Variants in SLC26A5 observed in about 807,000 individuals in gnomAD.
The protein encoded by SLC26A5 is solute carrier family 26 member 5.
Under a neutral mutation model 81.0 loss-of-function variants are expected in SLC26A5, and 51 were observed. The observed-to-expected ratio is 0.63, with a 90% confidence interval of 0.50 to 0.80. SLC26A5 has a LOEUF of 0.80. Among genes scored for constraint, SLC26A5 ranks in the 30% least tolerant of loss-of-function variants. The pLI is 0.00. For synonymous variants in SLC26A5, 325 were observed against 332.8 expected, an observed-to-expected ratio of 0.98 and a Z score of 0.25; for missense variants, 771 against 905.8, an observed-to-expected ratio of 0.85 and a Z score of 1.91.
downstream of SLC26A5, among the ~76,000 whole-genome samples, chr7:103,370,089 T>C (rs1165375190): frequency 6.6e-6 from 1 of 152,190 alleles, no homozygotes; most frequent in Non-Finnish European, 1.5e-5. Flanking sequence ...TGCATTTTGG[T>C]TAGCTGTATG....
intron 2 of SLC26A5, among the ~76,000 whole-genome samples, chr7:103,435,696 T>C (rs1484065420): frequency 2.0e-5 from 3 of 152,178 alleles, no homozygotes; most frequent in Non-Finnish European, 4.4e-5. Context: ...TCATGCATGC[T>C]CCCCATTGCT....
At chr7:103,373,360 T>C (rs1427585297), downstream of SLC26A5, among the ~76,000 whole-genome samples, 3 of 152,224 alleles carry the variant, frequency 2.0e-5, no homozygotes, top group Non-Finnish European at 4.4e-5. Flanking sequence ...TTATCTATGA[T>C]ATAATCTAGC....
In SLC26A5 at chr7:103,360,881, G is replaced by C. The variant is rs186168961; in HGVS notation, c.2042-7955C>G. On this transcript the variant is annotated intron_variant, in intron 19 of 19. Transcript: ENST00000339444. ...AATCCCAGCACTTTGGGAGGCCGAA[G>C]CAGGTGGATCACTTGAGGTCGGGAG... 1.9e-3 allele frequency among the ~76,000 whole-genome samples: 290 copies of C among 152,250 alleles called. 3 individuals carry two copies. The highest frequency in any genetic ancestry group is 6.8e-3 in the African/African-American group (281 of 41,546).
At chr7:103,363,360 A>G in intron 19 of SLC26A5, 1 of 1,613,724 alleles carries the variant, frequency 6.2e-7, no homozygotes, top group Non-Finnish European at 8.5e-7. Context: ...GAGAAACCTG[A>G]TGTCACATAC....
intron 19 of SLC26A5, among the ~76,000 whole-genome samples, chr7:103,361,789 C>T (rs944863250): frequency 6.6e-6 from 1 of 152,126 alleles, no homozygotes; most frequent in African/African-American, 2.4e-5. Context: ...TGGCTAAAGT[C>T]GAATGGACCT....
chr7:103,356,681 A>C (rs574885189), intron 19 of SLC26A5, among the ~76,000 whole-genome samples: 64 of 152,280 alleles, frequency 4.2e-4, no homozygotes, highest in Non-Finnish European at 8.4e-4. Context: ...TATATTGTAC[A>C]TATTGTCTTT....
At chr7:103,359,172 A>ATTTTTTTTTTTTTTTTTTTTTTT (rs1586155184) in intron 19 of SLC26A5, among the ~76,000 whole-genome samples, 5 of 58,386 alleles carry the variant, frequency 8.6e-5, no homozygotes, top group Non-Finnish European at 1.3e-4. Context: ...TTTTTTTTTA[A>ATTTTTTTTTTTTTTTTTTTTTTT]TTTTTAGTAG....
In SLC26A5 at chr7:103,367,417, TC is replaced by T; in HGVS notation, c.2041+9390del. 1 of 1,613,572 alleles carries T rather than the reference TC, an allele frequency of 6.2e-7. No individual in the cohort carries two copies. Among genetic ancestry groups the T allele is most frequent in the Non-Finnish European group, 8.5e-7 (1 of 1,179,910 alleles). On this transcript the variant is annotated intron_variant, in intron 19 of 19. Transcript: ENST00000339444. This position sits in a 1 kb window ranked among gnomAD's most constrained non-coding sequence, Gnocchi z 6.1. ...TCTTTCCTTTTGTCTTCTCAGGGGC[TC>T]GTTTTGATGATGGTGCTGGAGGTGA...
intron 2 of SLC26A5, among the ~76,000 whole-genome samples, chr7:103,434,726 A>G (rs1826328627): frequency 6.6e-6 from 1 of 152,136 alleles, no homozygotes; most frequent in East Asian, 1.9e-4. Flanking sequence ...ACCTCAGCTC[A>G]CTGAAACCTC....
chr7:103,355,669 A>G (rs775905068), intron 19 of SLC26A5: 1 of 1,563,400 alleles, frequency 6.4e-7, no homozygotes, highest in Middle Eastern at 1.8e-4. Context: ...CATTTTAGTA[A>G]ATTTTGTCAT....
chr7:103,440,729 TG>T (rs777968296), intron 2 of SLC26A5, among the ~76,000 whole-genome samples: 3 of 152,228 alleles, frequency 2.0e-5, no homozygotes, highest in Non-Finnish European at 2.9e-5. Context: ...TCTAGGTGGC[TG>T]GAGAGGTGGG....
intron 2 of SLC26A5, among the ~76,000 whole-genome samples, chr7:103,440,840 C>G (rs1826821233): frequency 6.6e-6 from 1 of 152,146 alleles, no homozygotes; most frequent in Non-Finnish European, 1.5e-5. Context: ...CAGTAGCTTT[C>G]CACTCTAGGA....
intron 14 of SLC26A5, among the ~76,000 whole-genome samples, chr7:103,382,478 C>T (rs143621269): frequency 0.015 from 2,286 of 151,114 alleles, 59 homozygotes; most frequent in African/African-American, 0.052. Flanking sequence ...GCCTCCCAAG[C>T]AGCTGGGATT....
chr7:103,420,424 T>A (rs1213422965), intron 4 of SLC26A5, among the ~76,000 whole-genome samples: 1 of 151,446 alleles, frequency 6.6e-6, no homozygotes, highest in Non-Finnish European at 1.5e-5. Flanking sequence ...GCCTCTTGAG[T>A]AGCTGAGACT....
intron 2 of SLC26A5, among the ~76,000 whole-genome samples, chr7:103,435,995 A>AT (rs1367327261): frequency 6.6e-6 from 1 of 152,168 alleles, no homozygotes; most frequent in Non-Finnish European, 1.5e-5. Context: ...TATAAAACAC[A>AT]TTTTAATATA....
chr7:103,421,595 T>A (rs1178316861), intron 2 of SLC26A5, 28 bp from the exon 3 acceptor site: 13 of 1,469,898 alleles, frequency 8.8e-6, no homozygotes, highest in African/African-American at 1.4e-5. Context: ...AACTCCATTT[T>A]ACTTGCCAAA....
At chr7:103,440,342 CT>C (rs1292787222) in intron 2 of SLC26A5, among the ~76,000 whole-genome samples, 2 of 152,122 alleles carry the variant, frequency 1.3e-5, no homozygotes, top group African/African-American at 4.8e-5. Flanking sequence ...AATTGTAATG[CT>C]TTTTGGAAGT....
chr7:103,370,487 C>T (rs1050126815), downstream of SLC26A5, among the ~76,000 whole-genome samples: 2 of 152,004 alleles, frequency 1.3e-5, no homozygotes, highest in African/African-American at 4.8e-5. Flanking sequence ...AGAGCAGACT[C>T]ATTTTCTCAA....
chr7:103,366,025 TTAAAA>T, intron 19 of SLC26A5: 1 of 1,429,564 alleles, frequency 7.0e-7, no homozygotes, highest in East Asian at 2.3e-5. Flanking sequence ...TTTACTTATT[TTAAAA>T]TATTTTGAAA....
Sources: allele counts gnomAD v4.1 joint callset (sites outside exome capture counted in the v4.1 genomes callset), GRCh38; gene constraint gnomAD v4.1.1; non-coding constraint Gnocchi (gnomAD v3.1); transcripts MANE v1.5; gene names NCBI Gene and HGNC (gene_info 2026-07-23, HGNC 2026-07-21).